PUS10: variants seen among roughly 807,000 people sequenced by gnomAD.
The protein encoded by PUS10 is tRNA pseudouridine synthase Pus10.
A neutral mutation model predicts 75.0 loss-of-function variants in PUS10; 59 were observed. The ratio of observed to expected loss-of-function variants is 0.79; its 90% confidence interval spans 0.64 to 0.98. The LOEUF (loss-of-function observed/expected upper bound fraction) is 0.98, where lower values mean the gene tolerates loss of function less well. PUS10 is among the 50% of genes least tolerant of loss of function. The pLI, the probability that PUS10 is intolerant of heterozygous loss-of-function variation, is 0.00. For missense variants in PUS10, 650 were observed against 614.4 expected (o/e 1.06, Z -0.61); for synonymous variants, 219 against 211.6 (o/e 1.03, Z -0.30).
intron 6 of PUS10, chr2:60,965,739 T>G (rs1425013828): frequency 3.6e-6 from 1 of 279,276 alleles, no homozygotes; most frequent in African/African-American, 2.2e-5. Context: ...GTGTATACTT[T>G]TTGGACAAAT....
chr2:60,976,594 A>G (rs1408151538), intron 4 of PUS10, among the ~76,000 whole-genome samples: 3 of 152,238 alleles, frequency 2.0e-5, no homozygotes, highest in African/African-American at 7.2e-5. Context: ...AAATTAAATC[A>G]AATGTCTTTA....
chr2:61,015,671 T>C (rs1300349456), intron 1 of PUS10, among the ~76,000 whole-genome samples: 1 of 152,102 alleles, frequency 6.6e-6, no homozygotes, highest in Non-Finnish European at 1.5e-5. Flanking sequence ...TGTACTCCAG[T>C]CTGGGCAACA....
chr2:61,010,476 GC>G (rs1271706784), intron 2 of PUS10: 2 of 217,016 alleles, frequency 9.2e-6, no homozygotes, highest in African/African-American at 2.3e-5. Flanking sequence ...ACAGGCACCT[GC>G]CATGGCGCCC....
chr2:61,007,174 GAT>G (rs1393863421), intron 3 of PUS10, among the ~76,000 whole-genome samples: 5 of 149,400 alleles, frequency 3.3e-5, no homozygotes, highest in African/African-American at 1.2e-4. Flanking sequence ...TTAATTTTCA[GAT>G]ATGTCAATTA....
intron 17 of PUS10, among the ~76,000 whole-genome samples, chr2:60,943,603 T>G (rs546544015): frequency 2.6e-5 from 4 of 152,306 alleles, no homozygotes; most frequent in Non-Finnish European, 2.9e-5. Context: ...CAAAAAAAAT[T>G]TATTAGAAAA....
At chr2:60,970,505 TA>T (rs1019463005) in intron 5 of PUS10, among the ~76,000 whole-genome samples, 4 of 152,058 alleles carry the variant, frequency 2.6e-5, no homozygotes, top group Admixed American at 2.6e-4. Context: ...TCTGGAGAAT[TA>T]AAAAAAATTT....
At chr2:61,011,415 T>C (rs995112692) in intron 2 of PUS10, among the ~76,000 whole-genome samples, 1 of 152,290 alleles carries the variant, frequency 6.6e-6, no homozygotes, top group Middle Eastern at 3.4e-3. Context: ...TGCTTCCACA[T>C]AGTAGGACAT....
intron 4 of PUS10, among the ~76,000 whole-genome samples, chr2:60,991,764 T>G (rs1678096028): frequency 1.3e-5 from 2 of 152,088 alleles, no homozygotes. Flanking sequence ...CCAAAAGAAT[T>G]CTCATTATCC....
chr2:60,970,040 C>T (rs1208403191), intron 5 of PUS10, among the ~76,000 whole-genome samples: 4 of 151,676 alleles, frequency 2.6e-5, no homozygotes, highest in Non-Finnish European at 5.9e-5. Context: ...TGCAATTAGC[C>T]GAGATTGCAC....
intron 4 of PUS10, among the ~76,000 whole-genome samples, chr2:61,005,839 C>T (rs912949243): frequency 6.6e-6 from 1 of 152,074 alleles, no homozygotes; most frequent in Non-Finnish European, 1.5e-5. Flanking sequence ...ACATGCTCAC[C>T]CAAAGAAAGT....
intron 4 of PUS10, among the ~76,000 whole-genome samples, chr2:60,977,649 G>C (rs1220326695): frequency 6.6e-6 from 1 of 152,118 alleles, no homozygotes; most frequent in African/African-American, 2.4e-5. Context: ...CTGTGAGAAA[G>C]TCATATTTTC....
intron 4 of PUS10, among the ~76,000 whole-genome samples, chr2:60,973,768 A>G (rs552572561): frequency 2.0e-5 from 3 of 152,326 alleles, no homozygotes; most frequent in Admixed American, 2.0e-4. Flanking sequence ...AGTCCCCGGG[A>G]CAGGAGTAGG....
intron 16 of PUS10, among the ~76,000 whole-genome samples, chr2:60,947,662 T>A (rs973944586): frequency 6.6e-6 from 1 of 151,866 alleles, no homozygotes; most frequent in African/African-American, 2.4e-5. Context: ...ACCCCGTCTT[T>A]ACTAAAAATA....
intron 4 of PUS10, among the ~76,000 whole-genome samples, chr2:60,993,743 G>C (rs1010185743): frequency 6.6e-6 from 1 of 152,078 alleles, no homozygotes; most frequent in South Asian, 2.1e-4. Flanking sequence ...ATTTGGAGCA[G>C]TAAAACCTAA....
intron 4 of PUS10, among the ~76,000 whole-genome samples, chr2:60,980,839 T>G (rs954581822): frequency 2.6e-5 from 4 of 152,194 alleles, no homozygotes; most frequent in African/African-American, 9.6e-5. Flanking sequence ...TTCAAAAAAA[T>G]TAAATTGTTA....
At chr2:61,017,759 G>A in intron 1 of PUS10, 3 of 1,549,362 alleles carry the variant, frequency 1.9e-6, no homozygotes, top group East Asian at 2.4e-5. Flanking sequence ...AGGCGGAGGA[G>A]ATGGCGTCCC....
chr2:60,973,203 G>C (rs1410822190), intron 4 of PUS10, among the ~76,000 whole-genome samples: 1 of 152,252 alleles, frequency 6.6e-6, no homozygotes, highest in South Asian at 2.1e-4. Context: ...GCCGGGACTC[G>C]TGGGGCCAGC....
chr2:61,009,065 A>G (rs1283765803), intron 2 of PUS10, 50 bp from the exon 3 acceptor site: 1 of 1,500,110 alleles, frequency 6.7e-7, no homozygotes, highest in Admixed American at 2.2e-5. Flanking sequence ...AATGTCCTTA[A>G]GGCTTTCTAG....
intron 15 of PUS10, among the ~76,000 whole-genome samples, chr2:60,952,502 T>A (rs1675406224): frequency 6.6e-6 from 1 of 152,192 alleles, no homozygotes; most frequent in Non-Finnish European, 1.5e-5. Flanking sequence ...TATTGTCATG[T>A]GTTTTATTCA....
Sources: gnomAD v4.1 joint callset for allele counts (sites outside exome capture counted in the v4.1 genomes callset) on GRCh38, gnomAD v4.1.1 for gene constraint, MANE v1.5 for transcripts, NCBI Gene and HGNC (gene_info 2026-07-23, HGNC 2026-07-21) for gene names.